The following RIMS1 variants were observed in gnomAD, a reference collection of about 807,000 sequenced individuals.
The protein encoded by RIMS1 is regulating synaptic membrane exocytosis protein 1.
In RIMS1, 83 loss-of-function variants were observed where a neutral mutation model predicts 214.1. The observed-to-expected ratio is 0.39, with a 90% confidence interval of 0.32 to 0.47. RIMS1 has a LOEUF of 0.47. RIMS1 is among the 20% of genes least tolerant of loss of function. RIMS1 has a pLI of 0.99. For missense variants in RIMS1, 2,050 were observed against 2,161.8 expected (o/e 0.95, Z 1.03); for synonymous variants, 793 against 786.8 (o/e 1.01, Z -0.13).
chr6:72,248,253 A>C, intron 12 of RIMS1, 126 bp downstream of exon 12: 1 of 540,326 alleles, frequency 1.9e-6, no homozygotes, highest in South Asian at 3.6e-5. Flanking sequence ...ACCATAATCT[A>C]CTTCATTAGT....
At chr6:72,085,355 A>C (rs1834392935) in intron 2 of RIMS1, among the ~76,000 whole-genome samples, 1 of 152,214 alleles carries the variant, frequency 6.6e-6, no homozygotes, top group Non-Finnish European at 1.5e-5. Context: ...GCCTGTGTAC[A>C]AAACACTGTG....
chr6:72,010,244 A>T (rs1435891374), intron 2 of RIMS1, among the ~76,000 whole-genome samples: 1 of 152,240 alleles, frequency 6.6e-6, no homozygotes, highest in Admixed American at 6.5e-5. Flanking sequence ...GATTATCTCA[A>T]TAGATGCAGA....
At chr6:71,998,822 A>G (rs997534322) in intron 2 of RIMS1, among the ~76,000 whole-genome samples, 5 of 152,292 alleles carry the variant, frequency 3.3e-5, no homozygotes, top group Non-Finnish European at 5.9e-5. Context: ...ACTATTCTAT[A>G]TTTATTTTCC....
intron 1 of RIMS1, among the ~76,000 whole-genome samples, chr6:71,933,734 C>T (rs1041447720): frequency 4.1e-5 from 6 of 145,882 alleles, no homozygotes; most frequent in African/African-American, 1.5e-4. Flanking sequence ...TATTAAAATA[C>T]AATATGAAAT....
chr6:72,109,811 C>G (rs1224851497), intron 4 of RIMS1, among the ~76,000 whole-genome samples: 179 of 145,570 alleles, frequency 1.2e-3, no homozygotes, highest in South Asian at 1.7e-3. Context: ...CCTAGGTTTT[C>G]TTCTAGGGTT....
rs1342548676 is a variant in RIMS1, at chr6:72,400,694, C to A, written c.5059C>A (p.Pro1687Thr). ...GTCATCTCTGGAAAGTTCAACTGGG[C>A]CTCCCTGTATTCGATCATAGTGAAC... is the stretch of plus-strand genomic sequence containing the variant. The part of the protein sequence containing the change: ...SQSSLESSTG[P>T]PCIRS Residue 1687 changes from proline to threonine, a missense_variant, in exon 34 of 34, where the codon CCT (proline) becomes ACT (threonine). Physicochemically the swap from Pro to Thr is conservative, Grantham distance 38. Around this residue, in one of 6 missense-constraint regions of RIMS1, gnomAD observed 33 missense variants for 40.9 expected, o/e 0.81. Coordinates refer to ENST00000521978, the MANE Select transcript of RIMS1 (RefSeq NM_014989.7). The A allele has an allele frequency of 6.2e-7, 1 of 1,613,000 alleles. No individual in the cohort carries two copies. Among genetic ancestry groups the A allele is most frequent in the Non-Finnish European group, 8.5e-7 (1 of 1,179,152 alleles).
At chr6:72,054,172 G>A (rs1267449047) in intron 2 of RIMS1, among the ~76,000 whole-genome samples, 3 of 151,942 alleles carry the variant, frequency 2.0e-5, no homozygotes, top group Admixed American at 6.6e-5. Context: ...GTGAGAAAAC[G>A]TGGTGTTTGG....
intron 6 of RIMS1, among the ~76,000 whole-genome samples, chr6:72,211,756 A>G (rs975658234): frequency 4.6e-5 from 7 of 152,176 alleles, no homozygotes; most frequent in Non-Finnish European, 7.4e-5. Flanking sequence ...TATGTGATCA[A>G]TATTTCAACA....
Position 72,346,457 on chromosome 6 carries a change from A to G in RIMS1, c.4366+12622A>G, listed in dbSNP as rs146108231. Among the ~76,000 whole-genome samples, 821 of 151,962 alleles carry G rather than the reference A, an allele frequency of 5.4e-3. 5 individuals carry two copies. Among genetic ancestry groups the G allele is most frequent in the South Asian group, 0.031 (148 of 4,834 alleles). ...GGTGAAATCTGTTAGTCCTAGCCTC[A>G]GTAAATTGCACTTGTTCACATACGC... is the stretch of plus-strand genomic sequence containing the variant. On this transcript the variant is annotated intron_variant, in intron 29 of 33. Transcript: ENST00000521978.
At chr6:71,952,560 G>C (rs1168262065) in intron 1 of RIMS1, among the ~76,000 whole-genome samples, 1 of 152,216 alleles carries the variant, frequency 6.6e-6, no homozygotes, top group Non-Finnish European at 1.5e-5. Flanking sequence ...TGTCCCCTCA[G>C]AGAGCAGCCC....
At chr6:72,363,056 A>G (rs2097877230) in intron 29 of RIMS1, among the ~76,000 whole-genome samples, 1 of 152,180 alleles carries the variant, frequency 6.6e-6, no homozygotes, top group African/African-American at 2.4e-5. Flanking sequence ...ATGAAGAGGT[A>G]TAGGGCCCTG....
intron 24 of RIMS1, among the ~76,000 whole-genome samples, chr6:72,289,829 C>T (rs1479034597): frequency 6.6e-6 from 1 of 151,690 alleles, no homozygotes; most frequent in East Asian, 1.9e-4. Flanking sequence ...CAAAATAATA[C>T]CTGCTAGGTG....
intron 2 of RIMS1, among the ~76,000 whole-genome samples, chr6:71,972,888 T>C (rs1012142707): frequency 2.6e-5 from 4 of 152,174 alleles, no homozygotes; most frequent in Admixed American, 1.3e-4. Context: ...GGGAAGGATT[T>C]ACAGAGCTGC....
At chr6:72,088,350 G>A (rs1835247985) in intron 2 of RIMS1, among the ~76,000 whole-genome samples, 1 of 151,926 alleles carries the variant, frequency 6.6e-6, no homozygotes, top group Non-Finnish European at 1.5e-5. Context: ...CCAGGTTCAA[G>A]CGATTCTCCT....
At position 72,233,856 on chromosome 6, in the gene RIMS1, AGT is replaced by A. The variant is rs1589874558; in HGVS notation, c.1746+21_1746+22del. 2 of 1,552,138 alleles carry A rather than the reference AGT, an allele frequency of 1.3e-6. No individual in the cohort carries two copies. Among genetic ancestry groups the A allele is most frequent in the Non-Finnish European group, 1.8e-6 (2 of 1,140,896 alleles). On this transcript the variant is annotated intron_variant, in intron 7 of 33. Coordinates refer to ENST00000521978, the MANE Select transcript of RIMS1 (RefSeq NM_014989.7). Reference sequence around the variant, plus strand: ...TATTAGTTCGGTAAGTTTTCTGGAAAGTGTGTTTGGAGTTTAGGGAATATGTG... The same window carrying A: ...TATTAGTTCGGTAAGTTTTCTGGAAAGTGTTTGGAGTTTAGGGAATATGTG...
intron 2 of RIMS1, among the ~76,000 whole-genome samples, chr6:72,023,429 G>T (rs1815336393): frequency 1.3e-5 from 2 of 151,860 alleles, no homozygotes; most frequent in African/African-American, 2.4e-5. Context: ...TAGTTGTAGG[G>T]TTTTTTTGTT....
intron 29 of RIMS1, among the ~76,000 whole-genome samples, chr6:72,352,471 T>C (rs2097488303): frequency 6.6e-6 from 1 of 152,232 alleles, no homozygotes; most frequent in Non-Finnish European, 1.5e-5. Context: ...CATCATACTA[T>C]TATATCATCC....
At chr6:72,292,419 C>T (rs1357051905) in intron 26 of RIMS1, among the ~76,000 whole-genome samples, 1 of 152,068 alleles carries the variant, frequency 6.6e-6, no homozygotes, top group African/African-American at 2.4e-5. Flanking sequence ...AAATTAAACA[C>T]TTAATCATAC....
chr6:72,347,803 A>C (rs577987221), intron 29 of RIMS1, among the ~76,000 whole-genome samples: 69 of 151,986 alleles, frequency 4.5e-4, no homozygotes, highest in African/African-American at 1.6e-3. Flanking sequence ...CCCTACCCAA[A>C]TATCAACTTC....
Sources: gnomAD v4.1 joint callset for allele counts (sites outside exome capture counted in the v4.1 genomes callset) on GRCh38, gnomAD v4.1.1 for gene constraint, gnomAD v4.1.1 regional missense constraint, MANE v1.5 for transcripts, NCBI Gene and HGNC (gene_info 2026-07-23, HGNC 2026-07-21) for gene names.